Variants in LY96 observed in about 807,000 individuals in gnomAD.
LY96 encodes myeloid differentiation protein-2.
A neutral mutation model predicts 18.9 loss-of-function variants in LY96; 18 were observed. The ratio of observed to expected loss-of-function variants is 0.95; its 90% CI spans 0.66 to 1.41. LY96 has a LOEUF of 1.41. Among genes scored for constraint, LY96 ranks in the 40% most tolerant of loss-of-function variants. The pLI, the probability that LY96 is intolerant of heterozygous loss-of-function variation, is 0.00. For missense variants in LY96, 175 were observed against 182.4 expected (o/e 0.96, Z 0.23); for synonymous variants, 66 against 62.6 (o/e 1.06, Z -0.26).
chr8:74,013,051 G>T (rs978206488), intron 3 of LY96, among the ~76,000 whole-genome samples: 17 of 151,920 alleles, frequency 1.1e-4, no homozygotes, highest in Admixed American at 1.0e-3. Flanking sequence ...CAAACTCCTG[G>T]GCTGAAGTCA....
At chr8:74,048,557 A>G in the LY96 span, 1 of 152,368 alleles carries the variant, frequency 6.6e-6, no homozygotes, top group Admixed American at 6.5e-5. Flanking sequence ...CCACATCCAC[A>G]TTCCAGCCAG....
At chr8:74,011,281 CT>C (rs1435052868) in intron 3 of LY96, among the ~76,000 whole-genome samples, 13 of 152,154 alleles carry the variant, frequency 8.5e-5, no homozygotes, top group African/African-American at 2.7e-4. Context: ...TACAAACATA[CT>C]AGAAGAAACC....
At chr8:74,067,352 C>T in the LY96 span, among the ~76,000 whole-genome samples, 1 of 152,158 alleles carries the variant, frequency 6.6e-6, no homozygotes, top group Admixed American at 6.5e-5. Context: ...CCATCAGCCT[C>T]CCAAGTAGCT....
At chr8:74,089,510 C>T in the LY96 span, among the ~76,000 whole-genome samples, 1,166 of 152,286 alleles carry the variant, frequency 7.7e-3, 19 homozygotes, top group African/African-American at 0.026. Context: ...TATCTGACTC[C>T]TTCACTGCCC....
At chr8:74,081,177 CTTTT>C in the LY96 span, among the ~76,000 whole-genome samples, 2 of 130,390 alleles carry the variant, frequency 1.5e-5, no homozygotes, top group Non-Finnish European at 3.2e-5. Flanking sequence ...TTCTTTCTTT[CTTTT>C]CCCTTCCTTC....
intron 2 of LY96, among the ~76,000 whole-genome samples, chr8:74,009,374 CAA>C (rs370593442): frequency 0.07 from 4,099 of 58,664 alleles, 42 homozygotes; most frequent in Middle Eastern, 0.18. Flanking sequence ...CAGTCTTTCT[CAA>C]AAAAAAAAAA....
intron 2 of LY96, among the ~76,000 whole-genome samples, chr8:74,006,869 C>T (rs573240947): frequency 5.9e-5 from 9 of 152,108 alleles, no homozygotes; most frequent in East Asian, 3.9e-4. Context: ...TAAGACAGTA[C>T]GAAATCATTT....
rs772319965 is a variant in LY96, at chr8:74,016,816, C to T, written c.331+6687C>T. On this transcript the variant is annotated intron_variant, in intron 3 of 4. Coordinates refer to ENST00000284818, the MANE Select transcript of LY96 (RefSeq NM_015364.5). The stretch of plus-strand genomic sequence containing the variant: ...ACAGACCTGCATCTGAGGGTCCTGA[C>T]TCTTAGAAGGAAAGCTAACAAACAG... Among the ~76,000 whole-genome samples, 5 of 152,194 alleles carry T rather than the reference C, an allele frequency of 3.3e-5. 1 individual carries two copies. Among genetic ancestry groups the T allele is most frequent in the African/African-American group, 9.7e-5 (4 of 41,444 alleles).
the LY96 span, among the ~76,000 whole-genome samples, chr8:74,096,560 C>T: frequency 6.6e-6 from 1 of 152,194 alleles, no homozygotes; most frequent in African/African-American, 2.4e-5. Flanking sequence ...CCTCTCCCTC[C>T]AGCCCTGCTG....
chr8:74,070,177 C>T, the LY96 span, among the ~76,000 whole-genome samples: 1 of 151,766 alleles, frequency 6.6e-6, no homozygotes, highest in Non-Finnish European at 1.5e-5. Flanking sequence ...CTGCAAGCTC[C>T]GCCTCCCAGG....
the LY96 span, among the ~76,000 whole-genome samples, chr8:74,039,822 C>A: frequency 6.6e-6 from 1 of 152,176 alleles, no homozygotes; most frequent in Non-Finnish European, 1.5e-5. Flanking sequence ...TGAAAGTGGA[C>A]AAGGAGCATG....
intron 3 of LY96, among the ~76,000 whole-genome samples, chr8:74,016,479 G>A (rs535352129): frequency 1.0e-3 from 159 of 152,298 alleles, no homozygotes; most frequent in Admixed American, 2.3e-3. Context: ...AGACTTAAAG[G>A]TCCCTGTCTG....
the LY96 span, among the ~76,000 whole-genome samples, chr8:74,062,936 A>G: frequency 6.6e-6 from 1 of 152,248 alleles, no homozygotes; most frequent in Non-Finnish European, 1.5e-5. Flanking sequence ...AGCATAATAC[A>G]TTACCACTAA....
the LY96 span, among the ~76,000 whole-genome samples, chr8:74,048,443 G>A: frequency 6.6e-6 from 1 of 152,000 alleles, no homozygotes; most frequent in Non-Finnish European, 1.5e-5. Context: ...TTTAAATCCG[G>A]GTGGGCCTAA....
At chr8:74,047,314 A>G in the LY96 span, among the ~76,000 whole-genome samples, 3 of 152,068 alleles carry the variant, frequency 2.0e-5, no homozygotes, top group South Asian at 4.1e-4. Flanking sequence ...AGTAGCACAG[A>G]CTCCAACATC....
the LY96 span, among the ~76,000 whole-genome samples, chr8:74,077,862 C>T: frequency 1.3e-5 from 2 of 151,918 alleles, no homozygotes; most frequent in East Asian, 3.9e-4. Flanking sequence ...AATCCCAGCA[C>T]TTTGGGAGGC....
the LY96 span, among the ~76,000 whole-genome samples, chr8:74,088,057 C>T: frequency 2.7e-4 from 38 of 139,442 alleles, no homozygotes; most frequent in East Asian, 1.8e-3. Context: ...GCATTGTACC[C>T]GTACTGTTTA....
chr8:73,996,413 CT>C (rs1317526587), intron 1 of LY96, among the ~76,000 whole-genome samples: 1 of 64,806 alleles, frequency 1.5e-5, no homozygotes, highest in South Asian at 5.8e-4. Context: ...TTCTTTCTTT[CT>C]TTCTTTCTTT....
At chr8:74,091,202 G>A in the LY96 span, among the ~76,000 whole-genome samples, 1 of 152,230 alleles carries the variant, frequency 6.6e-6, no homozygotes, top group Admixed American at 6.5e-5. Flanking sequence ...AACACTTTTT[G>A]GATAGCATAT....
Sources: allele counts gnomAD v4.1 joint callset (sites outside exome capture counted in the v4.1 genomes callset), GRCh38; gene constraint gnomAD v4.1.1; transcripts MANE v1.5; gene names NCBI Gene and HGNC (gene_info 2026-07-23, HGNC 2026-07-21).